CR1: variants seen among roughly 807,000 people sequenced by gnomAD.
CR1 encodes the protein complement C3b/C4b receptor 1 (Knops blood group).
In CR1, 116 loss-of-function variants were observed where a neutral mutation model predicts 187.3. The ratio of observed to expected loss-of-function variants is 0.62; its 90% CI spans 0.53 to 0.72. The LOEUF is 0.72. Ranked by LOEUF, CR1 falls within the 30% of genes least tolerant of loss-of-function variation. CR1 has a pLI of 0.00. For synonymous variants in CR1, 576 were observed against 747.1 expected (o/e 0.77, Z 3.73); for missense variants, 1,731 against 2,110.7 (o/e 0.82, Z 3.52).
At chr1:207,621,848 G>A in intron 43 of CR1, 125 bp from the exon 44 acceptor site, 1 of 614,886 alleles carries the variant, frequency 1.6e-6, no homozygotes, top group Middle Eastern at 3.6e-4. Flanking sequence ...ATGGCTTTTT[G>A]CATTAGAAAA....
intron 35 of CR1, chr1:207,605,865 C>T (rs1161387086): frequency 3.9e-5 from 6 of 152,090 alleles, no homozygotes; most frequent in African/African-American, 7.2e-5. Context: ...GTACCTAAAA[C>T]GTAAAAGAGA....
chr1:207,620,491 G>A (rs1221455869), intron 43 of CR1, among the ~76,000 whole-genome samples: 1 of 152,206 alleles, frequency 6.6e-6, no homozygotes, highest in Non-Finnish European at 1.5e-5. Flanking sequence ...ATTGAGCTCT[G>A]TAGAAGAGTA....
rs1482741220 is a variant in CR1 at position 207,617,515 on chromosome 1, G to A, written c.6890-556G>A. On this transcript the variant is annotated intron_variant, in intron 41 of 46. Transcript: ENST00000367049. ...TATATATATATATATATATGTGTGT[G>A]TGTGTGTGTGTGTGTGTGTGTGTAT... 3.1e-3 allele frequency among the ~76,000 whole-genome samples: 197 copies of A among 63,864 alleles called. 8 individuals carry two copies. Among genetic ancestry groups the A allele is most frequent in the African/African-American group, 0.01 (183 of 18,280 alleles). The allele number at this position is 63,864 out of a possible 152,430, so 41.9% of individuals were successfully genotyped here. A position where few individuals can be genotyped will look rare whatever the true frequency, so the allele number is the denominator to read the frequency against.
intron 35 of CR1, among the ~76,000 whole-genome samples, chr1:207,590,292 T>A (rs1428617192): frequency 1.3e-5 from 2 of 151,842 alleles, no homozygotes; most frequent in African/African-American, 2.4e-5. Flanking sequence ...CAGAAGAGAG[T>A]GGGGGCCAAT....
At chr1:207,599,642 G>A (rs1427912683) in intron 35 of CR1, among the ~76,000 whole-genome samples, 1 of 152,202 alleles carries the variant, frequency 6.6e-6, no homozygotes, top group Non-Finnish European at 1.5e-5. Context: ...CAGCAATCAA[G>A]AAGACTTAAT....
chr1:207,623,696 A>G (rs533708749), intron 45 of CR1, among the ~76,000 whole-genome samples: 1 of 151,972 alleles, frequency 6.6e-6, no homozygotes, highest in East Asian at 1.9e-4. Context: ...AGGGGTTTTT[A>G]AATAGTTGTT....
intron 4 of CR1, among the ~76,000 whole-genome samples, chr1:207,513,256 A>T (rs909002078): frequency 6.6e-6 from 1 of 152,230 alleles, no homozygotes; most frequent in African/African-American, 2.4e-5. Context: ...ATGCATTACA[A>T]GAACCCCCAT....
At chr1:207,618,396 A>G (rs1662212215) in intron 42 of CR1, 149 bp downstream of exon 42, 5 of 707,972 alleles carry the variant, frequency 7.1e-6, no homozygotes, top group Non-Finnish European at 1.1e-5. Context: ...ACATAAAATT[A>G]TTTCATCTTA....
At chr1:207,614,577 G>T in intron 40 of CR1, 88 bp downstream of exon 40, 2 of 1,004,330 alleles carry the variant, frequency 2.0e-6, no homozygotes, top group Non-Finnish European at 3.0e-6. Context: ...CTGTTGTCTA[G>T]ATCTTTACTT....
chr1:207,501,808 T>C (rs1352307190), intron 1 of CR1, among the ~76,000 whole-genome samples: 1 of 152,244 alleles, frequency 6.6e-6, no homozygotes, highest in Non-Finnish European at 1.5e-5. Flanking sequence ...TCTTCCTTTG[T>C]CCGGCATCAA....
At chr1:207,525,732 TG>T (rs1449996340) in intron 5 of CR1, among the ~76,000 whole-genome samples, 3 of 152,046 alleles carry the variant, frequency 2.0e-5, no homozygotes, top group Non-Finnish European at 4.4e-5. Flanking sequence ...AGTGTGAGGC[TG>T]GGGGCCAACA....
intron 4 of CR1, among the ~76,000 whole-genome samples, chr1:207,513,734 TCCTC>T (rs1191099009): frequency 0.01 from 586 of 58,284 alleles, 16 homozygotes; most frequent in African/African-American, 0.038. Flanking sequence ...CTCCCTCCTT[TCCTC>T]CCTCCCTCCC....
chr1:207,612,975 C>G (rs377415879), intron 39 of CR1, among the ~76,000 whole-genome samples: 1 of 152,238 alleles, frequency 6.6e-6, no homozygotes, highest in African/African-American at 2.4e-5. Context: ...TCAATCCTGT[C>G]GCCCCACATC....
At chr1:207,517,975 A>G (rs1314666306) in intron 4 of CR1, among the ~76,000 whole-genome samples, 1 of 152,002 alleles carries the variant, frequency 6.6e-6, no homozygotes, top group Non-Finnish European at 1.5e-5. Flanking sequence ...TCTTTAGTTT[A>G]TGACTATTTT....
chr1:207,599,225 A>C (rs1052431426), intron 35 of CR1, among the ~76,000 whole-genome samples: 3 of 152,254 alleles, frequency 2.0e-5, no homozygotes, highest in Non-Finnish European at 4.4e-5. Context: ...AAATGGCCTT[A>C]AAAATTGCTA....
In CR1 at chr1:207,564,226, T is replaced by C. The variant is rs1368545996; in HGVS notation, c.3858T>C (p.Cys1286=). Residue 1286 remains cysteine, a synonymous_variant, in exon 23 of 47, where the codon TGT becomes TGC. Transcript: ENST00000367049. ...LQLGAKVDFV[C]DEGFQLKGSS... ...TTGGAGCAAAAGTGGATTTTGTTTG[T>C]GATGAAGGGTGAGTATGAGCTTGCC... The C allele has an allele frequency of 3.2e-6, 5 of 1,554,224 alleles. No homozygotes were observed. The highest frequency in any genetic ancestry group is 4.3e-6 in the Non-Finnish European group (5 of 1,151,576).
intron 4 of CR1, among the ~76,000 whole-genome samples, chr1:207,520,341 G>A (rs1345875323): frequency 6.6e-6 from 1 of 152,178 alleles, no homozygotes. Flanking sequence ...CATGGACTTC[G>A]CAGATATGCT....
At chr1:207,605,645 T>C (rs962606888) in intron 35 of CR1, among the ~76,000 whole-genome samples, 8 of 152,190 alleles carry the variant, frequency 5.3e-5, no homozygotes, top group Non-Finnish European at 8.8e-5. Flanking sequence ...AGGACTCCCA[T>C]GATCCTGTGC....
intron 35 of CR1, among the ~76,000 whole-genome samples, chr1:207,591,634 A>G (rs969679796): frequency 1.3e-5 from 2 of 152,178 alleles, no homozygotes; most frequent in Non-Finnish European, 2.9e-5. Flanking sequence ...GAAACAAAAA[A>G]CCCTTCAAAA....
Sources: gnomAD v4.1 joint callset for allele counts (sites outside exome capture counted in the v4.1 genomes callset) on GRCh38, gnomAD v4.1.1 for gene constraint, MANE v1.5 for transcripts, NCBI Gene and HGNC (gene_info 2026-07-23, HGNC 2026-07-21) for gene names.